Variants in GDE1 observed in about 807,000 individuals in gnomAD.
The protein encoded by GDE1 is RGS16-interacting membrane protein.
Under a neutral mutation model 32.2 loss-of-function variants are expected in GDE1, and 24 were observed. The ratio of observed to expected loss-of-function variants is 0.75; its 90% CI spans 0.54 to 1.05. GDE1 has a LOEUF of 1.05. Among genes scored for constraint, GDE1 ranks in the 50% least tolerant of loss-of-function variants. The probability of loss-of-function intolerance (pLI) is 0.00; values close to 1 mark genes in which losing one functional copy is unlikely to be tolerated. For missense variants in GDE1, 380 were observed against 415.0 expected, an observed-to-expected ratio of 0.92 and a Z score of 0.73; for synonymous variants, 159 against 158.6, an observed-to-expected ratio of 1.00 and a Z score of -0.02.
At chr16:19,510,973 G>GA in intron 2 of GDE1, 29 bp from the exon 3 acceptor site, 2 of 1,085,134 alleles carry the variant, frequency 1.8e-6, no homozygotes, top group Non-Finnish European at 2.8e-6. Context: ...TACGTTGTAG[G>GA]AAAAAAGAGA....
chr16:19,504,198 T>G (rs2151444155), intron 5 of GDE1: 1 of 153,170 alleles, frequency 6.5e-6, no homozygotes, highest in East Asian at 1.9e-4. Context: ...TAGTTTTAAC[T>G]TTATATTGAT....
At position 19,504,879 on chromosome 16, in the gene GDE1, A is replaced by T; in HGVS notation, c.848+2T>A. The T allele has an allele frequency of 6.3e-7, 1 of 1,591,792 alleles. No homozygotes were observed. The highest frequency in any genetic ancestry group is 8.6e-7 in the Non-Finnish European group (1 of 1,161,266). ...GGTAAAATAAAAAACCTTCCAACTT[A>T]CGGGGATACAAAATCCTTTTGCATG... On this transcript the variant is annotated splice_donor_variant, in intron 5 of 5. Transcript: ENST00000353258. LOFTEE classifies it high-confidence loss of function.
chr16:19,503,776 C>T (rs1969209714), intron 5 of GDE1, 159 bp from the exon 6 acceptor site: 2 of 605,582 alleles, frequency 3.3e-6, no homozygotes, highest in Non-Finnish European at 2.9e-6. Flanking sequence ...TTCCAAAACC[C>T]AGGATGCCAT....
Position 19,503,600 on chromosome 16 carries a change from C to T in GDE1, c.866G>A (p.Trp289Ter). 6.2e-7 allele frequency: 1 copy of T among 1,613,666 alleles called. No individual in the cohort carries two copies. The highest frequency in any genetic ancestry group is 8.5e-7 in the Non-Finnish European group (1 of 1,179,660). ...DFVSPAYLKKWSAKGIQVVGW... is the reference protein window; with the variant it reads ...DFVSPAYLKK The stretch of plus-strand genomic sequence containing the variant: ...AACAACCTGGATTCCTTTAGCTGAC[C>T]ACTTCTTCAAGTAGGCCCTGGGGAA... The change falls in exon 6 of 6, where the codon TGG (tryptophan) becomes TAG (stop). Residue 289 changes from tryptophan (W) to a stop codon, truncating the protein, a stop_gained. Coordinates refer to ENST00000353258, the MANE Select transcript of GDE1 (RefSeq NM_016641.4). LOFTEE classifies it high-confidence loss of function.
intron 2 of GDE1, among the ~76,000 whole-genome samples, chr16:19,516,491 C>T (rs1969382204): frequency 6.6e-6 from 1 of 152,164 alleles, no homozygotes; most frequent in Non-Finnish European, 1.5e-5. Flanking sequence ...TCAATAGCCA[C>T]AAGTACCTAC....
intron 2 of GDE1, 136 bp from the exon 3 acceptor site, chr16:19,511,080 G>T: frequency 2.0e-6 from 1 of 494,626 alleles, no homozygotes. Context: ...CCATAGCAAA[G>T]TCCAAAGATA....
rs1277645488 is a variant in GDE1 at position 19,505,030 on chromosome 16, A to AT, written c.698dup (p.His233GlnfsTer10). The stretch of plus-strand genomic sequence containing the variant: ...CATAGCGTGGTTTCCCATCTCCTGT[A>AT]TGGCTTAGGCTCCAAGGTCTGTGAG... On this transcript the variant is annotated frameshift_variant, in exon 5 of 6. Coordinates refer to ENST00000353258, the MANE Select transcript of GDE1 (RefSeq NM_016641.4). LOFTEE classifies it high-confidence loss of function. The AT allele has an allele frequency of 1.3e-5, 21 of 1,613,132 alleles. No individual in the cohort carries two copies. Among genetic ancestry groups the AT allele is most frequent in the Non-Finnish European group, 1.7e-5 (20 of 1,179,180 alleles).
At chr16:19,515,547 C>G (rs536741673) in intron 2 of GDE1, among the ~76,000 whole-genome samples, 1 of 152,202 alleles carries the variant, frequency 6.6e-6, no homozygotes, top group Admixed American at 6.5e-5. Context: ...AACTTTGAAC[C>G]TGACATTTTA....
chr16:19,521,944 C>A lies in GDE1; in HGVS notation c.21G>T (p.Gln7His), dbSNP rs867033644. 6.4e-7 allele frequency: 1 copy of A among 1,564,984 alleles called. No homozygotes were observed. The highest frequency in any genetic ancestry group is 2.3e-5 in the East Asian group (1 of 42,686). Residue 7 changes from glutamine (Q) to histidine (H), a missense_variant, in exon 1 of 6, where the codon CAG becomes CAT. Gln to His is a conservative substitution (Grantham distance 24, BLOSUM62 0). Transcript: ENST00000353258. ...AGGAGAAAGGGCCCAGGAGGCCGCC[C>A]TGGTCCTCCCACAGCCACATGCCGG... MWLWED[Q>H]GGLLGPFSFL...
At chr16:19,520,419 A>G (rs1284022238) in intron 1 of GDE1, among the ~76,000 whole-genome samples, 1 of 150,024 alleles carries the variant, frequency 6.7e-6, no homozygotes. Flanking sequence ...AAAAAAAAAA[A>G]GAAAAAAAAA....
Position 19,517,054 on chromosome 16 carries a change from G to T in GDE1, c.397C>A (p.Gln133Lys), listed in dbSNP as rs781129710. Residue 133 changes from glutamine to lysine, a missense_variant, in exon 2 of 6, where the codon CAA becomes AAA. Transcript: ENST00000353258. Reference protein sequence around the residue: ...TGRLCDLTFEQIRKLNPAANH... With the variant: ...TGRLCDLTFEKIRKLNPAANH... ...GCTGCAGGATTCAGCTTCCTAATTTGTTCAAATGTCAAATCACACAATCGC... is the reference window on the plus strand; with the variant it reads ...GCTGCAGGATTCAGCTTCCTAATTTTTTCAAATGTCAAATCACACAATCGC... 4 of 1,614,112 alleles carry T rather than the reference G, an allele frequency of 2.5e-6. No homozygotes were observed. Among genetic ancestry groups the T allele is most frequent in the Non-Finnish European group, 3.4e-6 (4 of 1,179,996 alleles).
chr16:19,504,336 A>G (rs1454370822), intron 5 of GDE1: 3 of 155,878 alleles, frequency 1.9e-5, no homozygotes, highest in Admixed American at 1.9e-4. Context: ...TTGCAATAGT[A>G]TAGGCACTTA....
At position 19,504,972 on chromosome 16, in the gene GDE1, T is replaced by C. The variant is rs1407256272; in HGVS notation, c.757A>G (p.Met253Val). 1.2e-6 allele frequency: 2 copies of C among 1,613,004 alleles called. No homozygotes were observed. The highest frequency in any genetic ancestry group is 3.3e-5 in the Admixed American group (2 of 60,000). ...TFWKHFIFVM[M>V]DILLDWSMHN... The stretch of plus-strand genomic sequence containing the variant: ...ATGCTCCAATCGAGCAAAATGTCCA[T>C]CATAACAAATATAAAATGTTTCCAG... The change falls in exon 5 of 6, where the codon ATG becomes GTG. Residue 253 changes from methionine (M) to valine (V), a missense_variant. Coordinates refer to ENST00000353258, the MANE Select transcript of GDE1 (RefSeq NM_016641.4).
chr16:19,513,723 G>A (rs1004208103), intron 2 of GDE1, among the ~76,000 whole-genome samples: 3 of 152,136 alleles, frequency 2.0e-5, no homozygotes, highest in African/African-American at 4.8e-5. Context: ...GCTGTACTTG[G>A]AACTGATAAA....
chr16:19,515,059 T>A (rs1240783921), intron 2 of GDE1, among the ~76,000 whole-genome samples: 3 of 63,542 alleles, frequency 4.7e-5, no homozygotes, highest in African/African-American at 1.5e-4. Context: ...AGAGTGAAAC[T>A]CCAACTCAAA....
intron 4 of GDE1, among the ~76,000 whole-genome samples, chr16:19,507,266 A>G (rs1037913178): frequency 2.0e-5 from 3 of 152,240 alleles, no homozygotes; most frequent in East Asian, 1.9e-4. Context: ...GGGAGGATCA[A>G]TGGGGTTATG....
At chr16:19,510,350 A>G (rs767711043) in intron 3 of GDE1, among the ~76,000 whole-genome samples, 14 of 152,244 alleles carry the variant, frequency 9.2e-5, no homozygotes, top group Non-Finnish European at 1.5e-4. Flanking sequence ...AAAGGGATAA[A>G]TCTATGTAAA....
At position 19,521,857 on chromosome 16, in the gene GDE1, G is replaced by T; in HGVS notation, c.108C>A (p.Gly36=). 1 of 1,608,110 alleles carries T rather than the reference G, an allele frequency of 6.2e-7. No homozygotes were observed. Among genetic ancestry groups the T allele is most frequent in the East Asian group, 2.2e-5 (1 of 44,618 alleles). ...RSPVNACLLT[G]SLFVLLRVFS... ...AGACGCGCAGTAGAACGAAGAGGCT[G>T]CCGGTGAGGAGGCAGGCATTGACCG... Residue 36 remains glycine (G), a synonymous_variant, in exon 1 of 6, where the codon GGC becomes GGA. Transcript: ENST00000353258.
chr16:19,514,250 C>T (rs981068688), intron 2 of GDE1, among the ~76,000 whole-genome samples: 8 of 152,084 alleles, frequency 5.3e-5, no homozygotes, highest in African/African-American at 1.9e-4. Context: ...GTATGTTACA[C>T]AGCATACAGA....
Sources: gnomAD v4.1 joint callset for allele counts (sites outside exome capture counted in the v4.1 genomes callset) on GRCh38, gnomAD v4.1.1 for gene constraint, MANE v1.5 for transcripts, NCBI Gene and HGNC (gene_info 2026-07-23, HGNC 2026-07-21) for gene names.